The following HSPA4L variants were observed in gnomAD, a reference collection of about 807,000 sequenced individuals.
The protein encoded by HSPA4L is heat shock 70 kDa protein 4L.
A neutral mutation model predicts 100.3 loss-of-function variants in HSPA4L; 48 were observed. The observed-to-expected ratio is 0.48, with a 90% CI of 0.38 to 0.61. The LOEUF (loss-of-function observed/expected upper bound fraction) is 0.61. Ranked by LOEUF, HSPA4L falls within the 20% of genes least tolerant of loss-of-function variation. The pLI, the probability that HSPA4L is intolerant of heterozygous loss-of-function variation, is 0.00. For synonymous variants in HSPA4L, 319 were observed against 328.2 expected (o/e 0.97, Z 0.30); for missense variants, 886 against 988.6 (o/e 0.90, Z 1.39).
intron 10 of HSPA4L, among the ~76,000 whole-genome samples, chr4:127,807,624 C>A (rs1342437602): frequency 2.6e-5 from 4 of 151,914 alleles, no homozygotes; most frequent in Non-Finnish European, 5.9e-5. Context: ...ACAAAAGTTT[C>A]TATTAAAGGT....
intron 1 of HSPA4L, among the ~76,000 whole-genome samples, chr4:127,787,495 A>G (rs954480063): frequency 3.9e-5 from 6 of 152,186 alleles, no homozygotes; most frequent in Admixed American, 3.3e-4. Flanking sequence ...TTCTAGCTAT[A>G]CAAGTATGTG....
At chr4:127,781,835 G>GT, upstream of HSPA4L, 1 of 264,536 alleles carries the variant, frequency 3.8e-6, no homozygotes, top group Non-Finnish European at 7.7e-6. Context: ...GCCCCTCGGG[G>GT]AGGCGAGGCC....
chr4:127,828,737 TGTAAGGATAATGAAAAAGTAA>T (rs1198401482), intron 17 of HSPA4L, among the ~76,000 whole-genome samples: 1 of 152,124 alleles, frequency 6.6e-6, no homozygotes, highest in Non-Finnish European at 1.5e-5. Context: ...GATAGAATGT[TGTAAGGATAATGAAAAAGTAA>T]GAAGGAAGAA....
At chr4:127,782,155 T>C (rs1732570509), upstream of HSPA4L, 1 of 438,830 alleles carries the variant, frequency 2.3e-6, no homozygotes, top group Non-Finnish European at 4.6e-6. Flanking sequence ...CAGATCTTTC[T>C]CGAACCCGCA....
rs1394326483 is a variant in HSPA4L at position 127,801,118 on chromosome 4, C to T, written c.430-20C>T. The T allele has an allele frequency of 6.5e-7, 1 of 1,543,832 alleles. No homozygotes were observed. ...TGTTTACATAAAACATTATACTTAA[C>T]TGTTGTTTTTAAATACTAGATTCCT... On this transcript the variant is annotated intron_variant, in intron 4 of 18. Transcript: ENST00000296464.
chr4:127,818,173 T>C (rs749650944), intron 12 of HSPA4L, 152 bp from the exon 13 acceptor site: 6 of 492,446 alleles, frequency 1.2e-5, no homozygotes, highest in Non-Finnish European at 2.2e-5. Flanking sequence ...ATCTGTTTAT[T>C]TGTAGCAATT....
chr4:127,798,628 A>G lies in HSPA4L; in HGVS notation c.348A>G (p.Gln116=), dbSNP rs376394443. 8 of 1,613,680 alleles carry G rather than the reference A, an allele frequency of 5.0e-6. No homozygotes were observed. The African/African-American group carries it at 9.3e-5, about 19-fold the overall frequency. ...LEEERPFAIE[Q]VTGMLLAKLK... ...AAGAGAGACCTTTTGCAATTGAGCA[A>G]GTTACTGGAATGCTGTTAGCCAAGC... Residue 116 remains glutamine, a synonymous_variant, in exon 4 of 19, where the codon CAA becomes CAG. Coordinates refer to ENST00000296464, the MANE Select transcript of HSPA4L (RefSeq NM_014278.4).
intron 1 of HSPA4L, among the ~76,000 whole-genome samples, chr4:127,784,305 T>A (rs1732651143): frequency 1.3e-5 from 2 of 152,226 alleles, no homozygotes; most frequent in Admixed American, 1.3e-4. Flanking sequence ...GTAAGAAAGA[T>A]CGATCTGCAT....
chr4:127,810,575 TAGTG>T (rs1283228041), intron 11 of HSPA4L, among the ~76,000 whole-genome samples: 1 of 151,984 alleles, frequency 6.6e-6, no homozygotes, highest in Non-Finnish European at 1.5e-5. Context: ...CTGGGCAACA[TAGTG>T]AGACCTAATC....
In HSPA4L at chr4:127,833,102, C is replaced by T. The variant is rs539064794; in HGVS notation, c.*228C>T. On this transcript the variant is annotated 3_prime_UTR_variant, in exon 19 of 19. Transcript: ENST00000296464. ...GATTTACAAGACAATCTAAGCTTTC[C>T]GGATAATTTTATATATCAAACATAC... The T allele has an allele frequency of 3.4e-5, 12 of 357,582 alleles. No homozygotes were observed. Among genetic ancestry groups the T allele is most frequent in the East Asian group, 3.0e-4 (7 of 23,366 alleles). 22.2% of individuals were successfully genotyped at this position (357,582 alleles called of 1,614,324 possible).
chr4:127,832,238 A>G (rs1257762952), intron 18 of HSPA4L, among the ~76,000 whole-genome samples: 1 of 150,968 alleles, frequency 6.6e-6, no homozygotes, highest in Non-Finnish European at 1.5e-5. Context: ...TTTTCAAACA[A>G]AAAAAAATGT....
Position 127,838,169 on chromosome 4 carries a change from A to G in HSPA4L, c.*5295A>G, listed in dbSNP as rs1323280708. 4 of 152,210 alleles carry G rather than the reference A, an allele frequency of 2.6e-5. No homozygotes were observed. Among genetic ancestry groups the G allele is most frequent in the African/African-American group, 9.7e-5 (4 of 41,448 alleles). The allele number at this position is 152,210 out of a possible 1,614,324, so 9.4% of individuals were successfully genotyped here. A position where few individuals can be genotyped will look rare whatever the true frequency, so the allele number is the denominator to read the frequency against. On this transcript the variant is annotated 3_prime_UTR_variant, in exon 19 of 19. Coordinates refer to ENST00000296464, the MANE Select transcript of HSPA4L (RefSeq NM_014278.4). ...TGGATTTATAATGCTGCCAGATGTC[A>G]TTACAATTTTTTTTCTAAATTCAAA...
chr4:127,785,898 G>T (rs540373124), intron 1 of HSPA4L, among the ~76,000 whole-genome samples: 1 of 152,108 alleles, frequency 6.6e-6, no homozygotes, highest in African/African-American at 2.4e-5. Flanking sequence ...CTAAATTTTT[G>T]ATCCTTCAAG....
rs529277555 is a variant in HSPA4L, at chr4:127,809,345, G to A, written c.1378+1216G>A. The A allele has an allele frequency of 4.3e-4, 481 of 1,120,214 alleles. No individual in the cohort carries two copies. In the African/African-American group the frequency reaches 5.9e-3, roughly 14 times the overall value. 69.4% of individuals were successfully genotyped at this position (1,120,214 alleles called of 1,614,324 possible). On this transcript the variant is annotated intron_variant, in intron 11 of 18. Transcript: ENST00000296464. ...AGGACTTCTGGGATCACGCTGAGCCGCAGTATATTGCAGCCCAGCAGAAGG... is the reference window on the plus strand; with the variant it reads ...AGGACTTCTGGGATCACGCTGAGCCACAGTATATTGCAGCCCAGCAGAAGG...
chr4:127,814,207 GA>G (rs1733614740), intron 12 of HSPA4L, among the ~76,000 whole-genome samples: 1 of 152,182 alleles, frequency 6.6e-6, no homozygotes. Context: ...TGGTTACTCA[GA>G]GACTTACCTG....
chr4:127,832,367 C>T (rs959526652), intron 18 of HSPA4L, among the ~76,000 whole-genome samples: 4 of 151,892 alleles, frequency 2.6e-5, no homozygotes, highest in Admixed American at 6.6e-5. Context: ...AAGCATTACA[C>T]GTAATTTAAA....
chr4:127,793,365 G>A (rs1259881634), intron 1 of HSPA4L, among the ~76,000 whole-genome samples: 1 of 151,728 alleles, frequency 6.6e-6, no homozygotes, highest in African/African-American at 2.4e-5. Context: ...TCCCAGACAG[G>A]TATTGTGACT....
chr4:127,792,376 A>G (rs906315283), intron 1 of HSPA4L, among the ~76,000 whole-genome samples: 1 of 152,184 alleles, frequency 6.6e-6, no homozygotes, highest in African/African-American at 2.4e-5. Flanking sequence ...AGGAACCATT[A>G]TTCCATTCAT....
Position 127,830,708 on chromosome 4 carries a change from G to A in HSPA4L, c.2237G>A (p.Ser746Asn), listed in dbSNP as rs368309114. ...GAAAAATGTATCAGTGATGCCATGA[G>A]TTGGCTGAATAGTAAGATGAATGCA... ...KVEKCISDAM[S>N]WLNSKMNAQN... is the part of the protein sequence containing the mutation. The change falls in exon 18 of 19, where the codon AGT becomes AAT. Residue 746 changes from serine (S) to asparagine (N), a missense_variant. Transcript: ENST00000296464. The A allele has an allele frequency of 2.7e-5, 43 of 1,610,578 alleles. No homozygotes were observed. In the African/African-American group the frequency reaches 5.6e-4, roughly 21 times the overall value.
Sources: allele counts gnomAD v4.1 joint callset (sites outside exome capture counted in the v4.1 genomes callset), GRCh38; gene constraint gnomAD v4.1.1; transcripts MANE v1.5; gene names NCBI Gene and HGNC (gene_info 2026-07-23, HGNC 2026-07-21).